Variants in KIAA1328 observed in about 807,000 individuals in gnomAD.
The protein encoded by KIAA1328 is protein hinderin.
Under a neutral mutation model 68.1 loss-of-function variants are expected in KIAA1328, and 52 were observed. That is an observed-to-expected ratio of 0.76 (90% CI 0.61 to 0.96). KIAA1328 has a LOEUF of 0.96. KIAA1328 is among the 40% of genes least tolerant of loss of function. KIAA1328 has a pLI of 0.00. For missense variants in KIAA1328, 641 were observed against 677.6 expected, an observed-to-expected ratio of 0.95 and a Z score of 0.60; for synonymous variants, 232 against 239.4, an observed-to-expected ratio of 0.97 and a Z score of 0.28.
intron 9 of KIAA1328, among the ~76,000 whole-genome samples, chr18:37,190,698 C>G (rs2059889389): frequency 6.6e-6 from 1 of 152,134 alleles, no homozygotes; most frequent in Non-Finnish European, 1.5e-5. Context: ...TCAGCATACC[C>G]CATTTATTCA....
At chr18:37,177,624 T>TA (rs1325332367) in intron 9 of KIAA1328, among the ~76,000 whole-genome samples, 2 of 152,114 alleles carry the variant, frequency 1.3e-5, no homozygotes, top group Non-Finnish European at 2.9e-5. Context: ...CTTTTTTTTT[T>TA]AAAGAAAGAT....
At chr18:37,095,222 A>G (rs926548605) in intron 7 of KIAA1328, among the ~76,000 whole-genome samples, 3 of 152,212 alleles carry the variant, frequency 2.0e-5, no homozygotes, top group Non-Finnish European at 4.4e-5. Context: ...TGCACTATAA[A>G]CCATATGGAC....
At chr18:36,934,919 C>G (rs962707963) in intron 5 of KIAA1328, among the ~76,000 whole-genome samples, 1 of 152,046 alleles carries the variant, frequency 6.6e-6, no homozygotes, top group Non-Finnish European at 1.5e-5. Context: ...ACATATTGGT[C>G]CAAGTTAGGT....
At chr18:37,179,842 G>A (rs1284648122) in intron 9 of KIAA1328, among the ~76,000 whole-genome samples, 2 of 152,066 alleles carry the variant, frequency 1.3e-5, no homozygotes, top group Non-Finnish European at 2.9e-5. Context: ...GGGCCACAAA[G>A]AGGATGTTAC....
At chr18:36,999,925 A>G (rs1033508902) in intron 6 of KIAA1328, among the ~76,000 whole-genome samples, 8 of 152,136 alleles carry the variant, frequency 5.3e-5, no homozygotes, top group African/African-American at 1.9e-4. Flanking sequence ...ACAATGAAAA[A>G]CACTAAGAGA....
At chr18:36,887,519 G>A (rs890893063) in intron 5 of KIAA1328, among the ~76,000 whole-genome samples, 2 of 151,994 alleles carry the variant, frequency 1.3e-5, no homozygotes, top group Non-Finnish European at 2.9e-5. Context: ...GGCAGAAAAG[G>A]GGAAGAGGTC....
At chr18:37,092,956 C>T (rs1035546325) in intron 7 of KIAA1328, among the ~76,000 whole-genome samples, 1 of 152,182 alleles carries the variant, frequency 6.6e-6, no homozygotes, top group Non-Finnish European at 1.5e-5. Flanking sequence ...CTGGCACACT[C>T]ATCCAGCCAC....
chr18:37,107,055 C>T (rs2057795774), intron 7 of KIAA1328, among the ~76,000 whole-genome samples: 1 of 152,082 alleles, frequency 6.6e-6, no homozygotes, highest in African/African-American at 2.4e-5. Context: ...ACCATTCTGG[C>T]CAACATGGTG....
chr18:36,994,351 T>G (rs972328486), intron 6 of KIAA1328, among the ~76,000 whole-genome samples: 1 of 152,222 alleles, frequency 6.6e-6, no homozygotes, highest in African/African-American at 2.4e-5. Flanking sequence ...GTATTGAAAT[T>G]TGAAAGAATT....
chr18:36,973,690 T>C (rs1446560524), intron 6 of KIAA1328, among the ~76,000 whole-genome samples: 1 of 151,708 alleles, frequency 6.6e-6, no homozygotes, highest in Non-Finnish European at 1.5e-5. Flanking sequence ...AGTCTCAGAG[T>C]AGTTGAAAAC....
At chr18:37,207,744 A>G (rs1178099680) in intron 9 of KIAA1328, among the ~76,000 whole-genome samples, 1 of 152,226 alleles carries the variant, frequency 6.6e-6, no homozygotes, top group Non-Finnish European at 1.5e-5. Context: ...CACCTGGAGC[A>G]CGTGAATGGG....
At chr18:36,865,187 C>G (rs1280822476) in intron 4 of KIAA1328, among the ~76,000 whole-genome samples, 1 of 151,950 alleles carries the variant, frequency 6.6e-6, no homozygotes. Flanking sequence ...ACCTTCTTCT[C>G]AGCACTACTT....
intron 5 of KIAA1328, among the ~76,000 whole-genome samples, chr18:36,915,069 C>T (rs1487909942): frequency 1.3e-5 from 2 of 152,134 alleles, no homozygotes; most frequent in Non-Finnish European, 2.9e-5. Flanking sequence ...GTTAAAGGAG[C>T]TAGAATGCTA....
At chr18:37,003,116 T>G (rs1200395004) in intron 6 of KIAA1328, among the ~76,000 whole-genome samples, 2 of 152,116 alleles carry the variant, frequency 1.3e-5, no homozygotes, top group Non-Finnish European at 2.9e-5. Context: ...TCAAAAGTAG[T>G]GCTGGGAAAA....
chr18:37,124,216 T>C (rs917634291), intron 7 of KIAA1328, among the ~76,000 whole-genome samples: 1 of 152,206 alleles, frequency 6.6e-6, no homozygotes, highest in Non-Finnish European at 1.5e-5. Context: ...TAAAAAGAGA[T>C]GTTTGGAAAA....
At chr18:37,105,229 G>A (rs1265438985) in intron 7 of KIAA1328, among the ~76,000 whole-genome samples, 1 of 152,116 alleles carries the variant, frequency 6.6e-6, no homozygotes, top group East Asian at 1.9e-4. Context: ...TAGGCGTGGT[G>A]TGGTTGCTGA....
At chr18:36,959,546 C>A in intron 6 of KIAA1328, 111 bp downstream of exon 6, 2 of 1,164,336 alleles carry the variant, frequency 1.7e-6, no homozygotes, top group South Asian at 1.5e-5. Context: ...TGTTTTAAAA[C>A]ATGTAGCCAC....
intron 6 of KIAA1328, among the ~76,000 whole-genome samples, chr18:36,981,684 T>G (rs2052692900): frequency 6.6e-6 from 1 of 151,944 alleles, no homozygotes; most frequent in Non-Finnish European, 1.5e-5. Context: ...TCTCCTAGGC[T>G]CAAAGGATTC....
chr18:37,150,231 G>A (rs1319914113), intron 7 of KIAA1328, among the ~76,000 whole-genome samples: 2 of 151,976 alleles, frequency 1.3e-5, no homozygotes, highest in Non-Finnish European at 2.9e-5. Context: ...ACTAGAACAG[G>A]GTGTCTCAGC....
Sources: allele counts gnomAD v4.1 joint callset (sites outside exome capture counted in the v4.1 genomes callset), GRCh38; gene constraint gnomAD v4.1.1; transcripts MANE v1.5; gene names NCBI Gene and HGNC (gene_info 2026-07-23, HGNC 2026-07-21).